HERC3: variants seen among roughly 807,000 people sequenced by gnomAD.
The protein encoded by HERC3 is probable E3 ubiquitin-protein ligase HERC3.
A neutral mutation model predicts 129.9 loss-of-function variants in HERC3; 58 were observed. That is an observed-to-expected ratio of 0.45 (90% CI 0.36 to 0.56). The LOEUF (loss-of-function observed/expected upper bound fraction) is 0.56. Ranked by LOEUF, HERC3 falls within the 20% of genes least tolerant of loss-of-function variation. The probability of loss-of-function intolerance (pLI) is 0.00; values close to 1 mark genes in which losing one functional copy is unlikely to be tolerated. For missense variants in HERC3, 835 were observed against 1,244.2 expected, an observed-to-expected ratio of 0.67 and a Z score of 4.95; for synonymous variants, 430 against 451.0, an observed-to-expected ratio of 0.95 and a Z score of 0.59.
chr4:88,606,155 G>T, intron 3 of HERC3, 106 bp downstream of exon 3: 1 of 850,568 alleles, frequency 1.2e-6, no homozygotes. Flanking sequence ...TCGGTTTTCA[G>T]GGAGGCTCTT....
the HERC3 span, among the ~76,000 whole-genome samples, chr4:88,560,180 G>A: frequency 7.2e-5 from 11 of 151,972 alleles, no homozygotes; most frequent in Non-Finnish European, 1.2e-4. Context: ...GGCTGGTCTC[G>A]AACTCCTGAC....
At chr4:88,583,827 T>C in the HERC3 span, 1 of 152,230 alleles carries the variant, frequency 6.6e-6, no homozygotes, top group African/African-American at 2.4e-5. Context: ...GAAATGTCAT[T>C]CTTTTTGATT....
the HERC3 span, among the ~76,000 whole-genome samples, chr4:88,549,844 G>A: frequency 6.6e-6 from 1 of 151,960 alleles, no homozygotes; most frequent in East Asian, 1.9e-4. Context: ...CATTTGAAAT[G>A]GTCCATCTTC....
In HERC3 at chr4:88,677,755, T is replaced by C. The variant is rs562264942; in HGVS notation, c.2026-209T>C. Among the ~76,000 whole-genome samples the C allele has an allele frequency of 1.3e-4, 20 of 152,332 alleles. 1 individual carries two copies. In the South Asian group the frequency reaches 3.7e-3, roughly 28 times the overall value. On this transcript the variant is annotated intron_variant, in intron 18 of 25. Coordinates refer to ENST00000402738, the MANE Select transcript of HERC3 (RefSeq NM_014606.3). Reference sequence around the variant, plus strand: ...ATTATAGATCATATGATTCATAAACTGTTTTAGTTAATTTCTGTGAGTCCA... The same window carrying C: ...ATTATAGATCATATGATTCATAAACCGTTTTAGTTAATTTCTGTGAGTCCA...
At chr4:88,562,491 C>G in the HERC3 span, among the ~76,000 whole-genome samples, 1 of 152,100 alleles carries the variant, frequency 6.6e-6, no homozygotes, top group African/African-American at 2.4e-5. Flanking sequence ...CTTTGCTGTG[C>G]ATTTTTAACT....
chr4:88,602,021 A>G (rs550210243), intron 2 of HERC3, among the ~76,000 whole-genome samples: 1 of 85,974 alleles, frequency 1.2e-5, no homozygotes, highest in Admixed American at 1.0e-4. Context: ...CCGCCACTGC[A>G]CTCCAGCCTG....
chr4:88,605,273 A>G (rs1723499157), intron 2 of HERC3, among the ~76,000 whole-genome samples: 1 of 152,186 alleles, frequency 6.6e-6, no homozygotes. Flanking sequence ...AGAGAAGATA[A>G]CATTTTTTTT....
At chr4:88,545,756 A>C in the HERC3 span, among the ~76,000 whole-genome samples, 3 of 152,052 alleles carry the variant, frequency 2.0e-5, no homozygotes, top group African/African-American at 4.8e-5. Context: ...GCTCTAAGAA[A>C]AATATCTATT....
At chr4:88,700,776 G>A (rs942784317) in intron 23 of HERC3, among the ~76,000 whole-genome samples, 2 of 152,164 alleles carry the variant, frequency 1.3e-5, no homozygotes, top group African/African-American at 4.8e-5. Context: ...CCCGAAATCT[G>A]CAGGGTAGGC....
At chr4:88,704,437 C>T in intron 24 of HERC3, 71 bp from the exon 25 acceptor site, 1 of 1,248,208 alleles carries the variant, frequency 8.0e-7, no homozygotes, top group South Asian at 1.2e-5. Context: ...GCCTCAAATG[C>T]AAATGATATA....
chr4:88,631,247 G>T (rs1395171452), intron 3 of HERC3, among the ~76,000 whole-genome samples: 1 of 152,130 alleles, frequency 6.6e-6, no homozygotes, highest in African/African-American at 2.4e-5. Context: ...TTGAGGTCAG[G>T]AGTTCGAGAC....
chr4:88,636,584 G>A (rs769419925), intron 3 of HERC3, among the ~76,000 whole-genome samples: 6 of 152,040 alleles, frequency 3.9e-5, no homozygotes, highest in Admixed American at 2.6e-4. Flanking sequence ...TTAGATCAAC[G>A]AGACAGACAA....
At chr4:88,529,059 A>C in the HERC3 span, among the ~76,000 whole-genome samples, 1 of 152,236 alleles carries the variant, frequency 6.6e-6, no homozygotes, top group South Asian at 2.1e-4. Flanking sequence ...AGATTTAAAA[A>C]TAAAAACTCA....
chr4:88,584,924 G>C, the HERC3 span, among the ~76,000 whole-genome samples: 8 of 152,182 alleles, frequency 5.3e-5, no homozygotes, highest in African/African-American at 1.4e-4. Context: ...ACCCATAAAG[G>C]TTGTGTCTTT....
chr4:88,650,546 T>G (rs1729160912), intron 4 of HERC3, among the ~76,000 whole-genome samples: 1 of 152,240 alleles, frequency 6.6e-6, no homozygotes, highest in Non-Finnish European at 1.5e-5. Context: ...TAGTTGCCAC[T>G]AAGAGAACAT....
At chr4:88,640,953 G>A (rs903281194) in intron 3 of HERC3, among the ~76,000 whole-genome samples, 1 of 151,966 alleles carries the variant, frequency 6.6e-6, no homozygotes, top group African/African-American at 2.4e-5. Flanking sequence ...CCATCAAACG[G>A]ACTAGATATG....
At position 88,706,955 on chromosome 4, in the gene HERC3, G is replaced by A; in HGVS notation, c.3148G>A (p.Ala1050Thr). 6.2e-7 allele frequency: 1 copy of A among 1,613,566 alleles called. No homozygotes were observed. Among genetic ancestry groups the A allele is most frequent in the South Asian group, 1.1e-5 (1 of 91,064 alleles). ...ALDNYEGFSLA is the reference protein window; with the variant it reads ...ALDNYEGFSLT ...TGACAACTATGAAGGGTTTAGTTTG[G>A]CCTGAGGCTTCTCAGCTTGTCCAGT... The change falls in exon 26 of 26, where the codon GCC becomes ACC. Residue 1050 changes from alanine to threonine, a missense_variant. Transcript: ENST00000402738.
intron 3 of HERC3, among the ~76,000 whole-genome samples, chr4:88,631,542 G>T (rs1726760200): frequency 6.6e-6 from 1 of 152,196 alleles, no homozygotes; most frequent in South Asian, 2.1e-4. Context: ...TTGGCTTAAT[G>T]ATTGTTTAAA....
intron 8 of HERC3, among the ~76,000 whole-genome samples, 155 bp from the exon 9 acceptor site, chr4:88,655,720 G>C (rs1318686574): frequency 1.3e-5 from 2 of 152,176 alleles, no homozygotes; most frequent in South Asian, 2.1e-4. Context: ...TAGTATTATG[G>C]AGAGCAGCCG....
Sources: allele counts gnomAD v4.1 joint callset (sites outside exome capture counted in the v4.1 genomes callset), GRCh38; gene constraint gnomAD v4.1.1; transcripts MANE v1.5; gene names NCBI Gene and HGNC (gene_info 2026-07-23, HGNC 2026-07-21).